TLE4: variants seen among roughly 807,000 people sequenced by gnomAD.
TLE4 encodes the protein TLE family member 4, transcriptional corepressor.
In TLE4, 8 loss-of-function variants were observed where a neutral mutation model predicts 92.8. The ratio of observed to expected loss-of-function variants is 0.09; its 90% CI spans 0.05 to 0.16. The LOEUF (loss-of-function observed/expected upper bound fraction) is 0.16. TLE4 is among the 10% of genes least tolerant of loss of function. The pLI, the probability that TLE4 is intolerant of heterozygous loss-of-function variation, is 1.00. For missense variants in TLE4, 675 were observed against 997.6 expected (o/e 0.68, Z 4.36); for synonymous variants, 371 against 374.1 (o/e 0.99, Z 0.10).
chr9:79,620,270 T>C (rs1028991976), intron 5 of TLE4, among the ~76,000 whole-genome samples: 1 of 152,242 alleles, frequency 6.6e-6, no homozygotes, highest in African/African-American at 2.4e-5. Context: ...TTGAATAAAA[T>C]TAAAAGTTCA....
Position 79,718,925 on chromosome 9 carries a change from T to G in TLE4, c.1544T>G (p.Ile515Ser). The G allele has an allele frequency of 6.2e-7, 1 of 1,613,746 alleles. No homozygotes were observed. Among genetic ancestry groups the G allele is most frequent in the Non-Finnish European group, 8.5e-7 (1 of 1,179,704 alleles). Residue 515 changes from isoleucine to serine, a missense_variant, in exon 15 of 20, where the codon ATC becomes AGC. Ile to Ser is a moderately radical substitution (Grantham distance 142). Transcript: ENST00000376552. ...AAGGGCTGCGTCAAGGTCTGGGACATCAGCCACCCAGGCAATAAGAGTCCT... is the reference window on the plus strand; with the variant it reads ...AAGGGCTGCGTCAAGGTCTGGGACAGCAGCCACCCAGGCAATAAGAGTCCT... ...GGKGCVKVWD[I>S]SHPGNKSPVS...
At chr9:79,644,846 A>G (rs2057830229) in intron 6 of TLE4, among the ~76,000 whole-genome samples, 1 of 152,110 alleles carries the variant, frequency 6.6e-6, no homozygotes, top group Admixed American at 6.5e-5. Flanking sequence ...GGATTGAGGC[A>G]CACGTGCTCA....
chr9:79,712,510 C>G lies in TLE4; in HGVS notation c.1340+2811C>G, dbSNP rs548196067. On this transcript the variant is annotated intron_variant, in intron 14 of 19. Coordinates refer to ENST00000376552, the MANE Select transcript of TLE4 (RefSeq NM_007005.6). The stretch of plus-strand genomic sequence containing the variant: ...ATAAAAAATCACCTAAAGTCTTCCT[C>G]CACCATACATACCCACAATGTAACT... 2.0e-5 allele frequency among the ~76,000 whole-genome samples: 3 copies of G among 152,278 alleles called. No individual in the cohort carries two copies. The East Asian group carries it at 5.8e-4, about 29-fold the overall frequency.
Position 79,599,786 on chromosome 9 carries a change from T to G in TLE4, c.253-12870T>G, listed in dbSNP as rs1236497560. Among the ~76,000 whole-genome samples, 3 of 152,384 alleles carry G rather than the reference T, an allele frequency of 2.0e-5. No homozygotes were observed. In the East Asian group the frequency reaches 5.8e-4, roughly 29 times the overall value. On this transcript the variant is annotated intron_variant, in intron 4 of 19. Coordinates refer to ENST00000376552, the MANE Select transcript of TLE4 (RefSeq NM_007005.6). ...ATGTTTTTAGCCACTTCTCAACTTT[T>G]GAGTCACTTCTTTTTTTGTCCTTCC...
At chr9:79,692,099 G>A (rs957422617) in intron 8 of TLE4, among the ~76,000 whole-genome samples, 1 of 152,046 alleles carries the variant, frequency 6.6e-6, no homozygotes, top group African/African-American at 2.4e-5. Flanking sequence ...TAGTTTTGAG[G>A]CCCCACTCAC....
chr9:79,615,917 A>G (rs1426255982), intron 5 of TLE4, among the ~76,000 whole-genome samples: 1 of 152,196 alleles, frequency 6.6e-6, no homozygotes, highest in East Asian at 1.9e-4. Flanking sequence ...CTTGTCATTA[A>G]AAGTGAGTAC....
At chr9:79,631,769 A>T (rs1003296747) in intron 6 of TLE4, among the ~76,000 whole-genome samples, 4 of 151,722 alleles carry the variant, frequency 2.6e-5, no homozygotes, top group African/African-American at 9.7e-5. Context: ...TTAACTTTCA[A>T]AGGCATTTGG....
chr9:79,622,582 T>A (rs2051301030), intron 5 of TLE4, among the ~76,000 whole-genome samples: 1 of 152,208 alleles, frequency 6.6e-6, no homozygotes, highest in Non-Finnish European at 1.5e-5. Context: ...GAAATTATCC[T>A]CCAGTTGTAA....
chr9:79,572,869 G>T (rs766717530), intron 1 of TLE4, 34 bp downstream of exon 1: 5 of 1,583,298 alleles, frequency 3.2e-6, no homozygotes, highest in Non-Finnish European at 4.3e-6. Flanking sequence ...GGCTCGCCGG[G>T]TGCTGGGGGA....
intron 14 of TLE4, among the ~76,000 whole-genome samples, chr9:79,718,492 C>G (rs1216838183): frequency 1.3e-5 from 2 of 152,214 alleles, no homozygotes; most frequent in Non-Finnish European, 2.9e-5. Context: ...TTCTAAGTAA[C>G]TACTGATGTC....
At chr9:79,699,629 C>T (rs1011325939) in intron 8 of TLE4, among the ~76,000 whole-genome samples, 1 of 151,632 alleles carries the variant, frequency 6.6e-6, no homozygotes, top group Admixed American at 6.5e-5. Flanking sequence ...GATGAGCAAA[C>T]AAGCCATAAC....
At chr9:79,642,241 G>GA (rs540386121) in intron 6 of TLE4, among the ~76,000 whole-genome samples, 71 of 150,902 alleles carry the variant, frequency 4.7e-4, no homozygotes, top group Non-Finnish European at 6.5e-4. Flanking sequence ...AAAAAAAAAA[G>GA]AAAAAAAAGA....
rs938020488 is a variant in TLE4 at position 79,572,460 on chromosome 9, G to T, written c.-331G>T. 6.6e-6 allele frequency: 1 copy of T among 152,628 alleles called. No individual in the cohort carries two copies. Among genetic ancestry groups the T allele is most frequent in the South Asian group, 2.0e-4 (1 of 4,942 alleles). The allele number at this position is 152,628 out of a possible 1,614,324, so 9.5% of individuals were successfully genotyped here. On this transcript the variant is annotated 5_prime_UTR_variant, in exon 1 of 20. Coordinates refer to ENST00000376552, the MANE Select transcript of TLE4 (RefSeq NM_007005.6). ...GCGCGGAGCCCGCACTTTCCCGGCCGGGTGAGCGGCGGCCGCGGCGCCGGG... is the reference window on the plus strand; with the variant it reads ...GCGCGGAGCCCGCACTTTCCCGGCCTGGTGAGCGGCGGCCGCGGCGCCGGG...
chr9:79,719,774 G>A (rs117541076), intron 15 of TLE4, among the ~76,000 whole-genome samples: 3,883 of 152,224 alleles, frequency 0.026, 72 homozygotes, highest in Non-Finnish European at 0.041. Context: ...GCAAGCAGTT[G>A]GTTAATTTGG....
chr9:79,687,615 G>T (rs925461811), intron 8 of TLE4, among the ~76,000 whole-genome samples: 1 of 152,130 alleles, frequency 6.6e-6, no homozygotes, highest in Non-Finnish European at 1.5e-5. Context: ...CAAGTCCCTT[G>T]TCATTCCTTG....
intron 8 of TLE4, chr9:79,671,425 T>G (rs1049817210): frequency 5.9e-6 from 2 of 337,602 alleles, no homozygotes; most frequent in South Asian, 2.2e-5. Context: ...GCAGAGAGCC[T>G]CTTTTATTTT....
intron 6 of TLE4, among the ~76,000 whole-genome samples, chr9:79,646,286 A>G (rs1299912403): frequency 2.6e-5 from 4 of 152,140 alleles, no homozygotes; most frequent in South Asian, 4.1e-4. Context: ...GATGGGGCAG[A>G]GGGCAGAGGA....
intron 19 of TLE4, 71 bp from the exon 20 acceptor site, chr9:79,724,966 C>A: frequency 9.5e-7 from 1 of 1,056,744 alleles, no homozygotes; most frequent in Non-Finnish European, 1.4e-6. Flanking sequence ...TTTGCATTTG[C>A]TCTAAGTCCT....
At chr9:79,674,368 A>C (rs1369937562) in intron 8 of TLE4, among the ~76,000 whole-genome samples, 1 of 152,184 alleles carries the variant, frequency 6.6e-6, no homozygotes, top group Non-Finnish European at 1.5e-5. Context: ...CACCCAGAAC[A>C]TAAGTGATGA....
Sources: gnomAD v4.1 joint callset for allele counts (sites outside exome capture counted in the v4.1 genomes callset) on GRCh38, gnomAD v4.1.1 for gene constraint, MANE v1.5 for transcripts, NCBI Gene and HGNC (gene_info 2026-07-23, HGNC 2026-07-21) for gene names.